The following AAK1 variants were observed in gnomAD, a reference collection of about 807,000 sequenced individuals.
AAK1 encodes AP2 associated kinase 1.
In AAK1, 37 loss-of-function variants were observed where a neutral mutation model predicts 116.0. The ratio of observed to expected loss-of-function variants is 0.32; its 90% CI spans 0.25 to 0.42. AAK1 has a LOEUF of 0.42. AAK1 is among the 10% of genes least tolerant of loss of function. AAK1 has a pLI of 1.00. For missense variants in AAK1, 919 were observed against 1,170.6 expected, an observed-to-expected ratio of 0.79 and a Z score of 3.14; for synonymous variants, 458 against 439.9, an observed-to-expected ratio of 1.04 and a Z score of -0.51.
chr2:69,633,613 A>C (rs1261170224), intron 2 of AAK1, among the ~76,000 whole-genome samples: 1 of 151,956 alleles, frequency 6.6e-6, no homozygotes, highest in African/African-American at 2.4e-5. Context: ...AAAAAAAAAA[A>C]AAAACTCAGT....
At chr2:69,551,242 G>A (rs528777127) in intron 3 of AAK1, among the ~76,000 whole-genome samples, 5 of 152,222 alleles carry the variant, frequency 3.3e-5, no homozygotes, top group East Asian at 1.9e-4. Flanking sequence ...GGGCCGGTGG[G>A]GGTGGTGGAG....
chr2:69,612,287 T>C (rs956699737), intron 2 of AAK1, among the ~76,000 whole-genome samples: 3 of 152,234 alleles, frequency 2.0e-5, no homozygotes, highest in African/African-American at 4.8e-5. Flanking sequence ...TGTTATATTA[T>C]GTATGTAACC....
chr2:69,571,581 A>G (rs1672096920), intron 2 of AAK1, among the ~76,000 whole-genome samples: 1 of 152,234 alleles, frequency 6.6e-6, no homozygotes, highest in Admixed American at 6.5e-5. Context: ...TGAGCTCAAT[A>G]ATATGAGTTT....
At chr2:69,604,788 C>A (rs576567815) in intron 2 of AAK1, among the ~76,000 whole-genome samples, 1 of 152,278 alleles carries the variant, frequency 6.6e-6, no homozygotes, top group East Asian at 1.9e-4. Context: ...CACACCCCAA[C>A]TGCACCCCAG....
rs1674277388 is a variant in AAK1, at chr2:69,458,983, TG to T, written c.*16885del. 2 of 152,244 alleles carry T rather than the reference TG, an allele frequency of 1.3e-5. No homozygotes were observed. Among genetic ancestry groups the T allele is most frequent in the East Asian group, 3.8e-4 (2 of 5,202 alleles). The allele number at this position is 152,244 out of a possible 1,614,324, so 9.4% of individuals were successfully genotyped here. A position where few individuals can be genotyped will look rare whatever the true frequency, so the allele number is the denominator to read the frequency against. On this transcript the variant is annotated 3_prime_UTR_variant, in exon 22 of 22. Transcript: ENST00000409085. ...TTGATTTCAAGAACATTGTCAAAAC[TG>T]GGGTACACATCCTTCTATTAGAAAT...
At chr2:69,542,030 C>A (rs571224952) in intron 5 of AAK1, among the ~76,000 whole-genome samples, 1 of 152,282 alleles carries the variant, frequency 6.6e-6, no homozygotes, top group South Asian at 2.1e-4. Flanking sequence ...GTAATTGGTG[C>A]CCAATACATG....
chr2:69,627,798 AC>A (rs1173049873), intron 2 of AAK1, among the ~76,000 whole-genome samples: 1 of 152,164 alleles, frequency 6.6e-6, no homozygotes, highest in Non-Finnish European at 1.5e-5. Context: ...ACTTTTCTCT[AC>A]AATGCAGGCC....
At position 69,464,349 on chromosome 2, in the gene AAK1, G is replaced by A. The variant is rs139114377; in HGVS notation, c.*11520C>T. 2.6e-5 allele frequency: 4 copies of A among 152,246 alleles called. No individual in the cohort carries two copies. Among genetic ancestry groups the A allele is most frequent in the African/African-American group, 7.2e-5 (3 of 41,524 alleles). 9.4% of individuals were successfully genotyped at this position (152,246 alleles called of 1,614,324 possible). ...CTGTAACAAGGTGCTCTTTTCTAGT[G>A]TTGTAAGGGGAAAATGTATAAGGAA... On this transcript the variant is annotated 3_prime_UTR_variant, in exon 22 of 22. Transcript: ENST00000409085.
intron 2 of AAK1, among the ~76,000 whole-genome samples, chr2:69,617,301 C>T (rs866650199): frequency 1.3e-5 from 2 of 152,192 alleles, no homozygotes; most frequent in Non-Finnish European, 2.9e-5. Flanking sequence ...CAATTCACAT[C>T]GAGTTGCTTT....
rs1442562113 is a variant in AAK1 at position 69,509,371 on chromosome 2, G to T, written c.1866C>A (p.Pro622=). ...QGQKVGSLTP[P]SSPKTQRAGH... ...CAGCACGTTGGGTTTTGGGGGATGA[G>T]GGTGGAGTGAGAGATCCAACTTTCT... The change falls in exon 14 of 22, where the codon CCC becomes CCA. Residue 622 remains proline, a synonymous_variant. Transcript: ENST00000409085. The T allele has an allele frequency of 6.2e-6, 10 of 1,613,904 alleles. 1 individual carries two copies. Among genetic ancestry groups the T allele is most frequent in the Middle Eastern group, 3.3e-4 (2 of 6,084 alleles).
chr2:69,622,391 G>A (rs553987546), intron 2 of AAK1, among the ~76,000 whole-genome samples: 21 of 144,338 alleles, frequency 1.5e-4, no homozygotes, highest in Middle Eastern at 6.9e-3. Context: ...CACAGCGCCC[G>A]GTCCCATCAA....
In AAK1 at chr2:69,583,898, G is replaced by C. The variant is rs911548722; in HGVS notation, c.164-26920C>G. ...AATGTCCACTTAAAAAAATAAAGTG[G>C]ATTTCTCACTCTTTCCCCTGAATGG... On this transcript the variant is annotated intron_variant, in intron 2 of 21. Coordinates refer to ENST00000409085, the MANE Select transcript of AAK1 (RefSeq NM_014911.5). Among the ~76,000 whole-genome samples, 4 of 152,178 alleles carry C rather than the reference G, an allele frequency of 2.6e-5. No homozygotes were observed. In the South Asian group the frequency reaches 6.2e-4, roughly 24 times the overall value.
intron 12 of AAK1, among the ~76,000 whole-genome samples, chr2:69,515,857 C>A (rs72837952): frequency 0.15 from 22,180 of 151,930 alleles, 1,771 homozygotes; most frequent in South Asian, 0.16. Flanking sequence ...AAAATAGCTG[C>A]CTACTTATAA....
intron 17 of AAK1, among the ~76,000 whole-genome samples, chr2:69,486,349 A>G (rs1369216601): frequency 6.6e-6 from 1 of 152,168 alleles, no homozygotes; most frequent in Non-Finnish European, 1.5e-5. Context: ...GTGTGGTGAG[A>G]CAGAATGGTG....
At chr2:69,548,612 CCTT>C (rs1421500872) in intron 3 of AAK1, among the ~76,000 whole-genome samples, 2 of 148,548 alleles carry the variant, frequency 1.3e-5, no homozygotes. Context: ...TTCCTTCCTT[CCTT>C]CTTTTCTTTT....
Position 69,472,660 on chromosome 2 carries a change from GA to G in AAK1, c.*3208del, listed in dbSNP as rs1282315733. On this transcript the variant is annotated 3_prime_UTR_variant, in exon 22 of 22. Transcript: ENST00000409085. ...GGGACTCATTTGAATGTTGTAAAGG[GA>G]AAAATCAATTTGTCATGTTTTCTGC... 1 of 985,234 alleles carries G rather than the reference GA, an allele frequency of 1.0e-6. No individual in the cohort carries two copies. The highest frequency in any genetic ancestry group is 1.7e-5 in the African/African-American group (1 of 57,208). 61.0% of individuals were successfully genotyped at this position (985,234 alleles called of 1,614,324 possible).
intron 2 of AAK1, among the ~76,000 whole-genome samples, chr2:69,587,463 A>T (rs75474596): frequency 7.2e-6 from 1 of 138,328 alleles, no homozygotes; most frequent in Non-Finnish European, 1.5e-5. Context: ...ATGTGTGTGT[A>T]TATATATATA....
chr2:69,531,857 C>T (rs2276688), intron 6 of AAK1, 184 bp downstream of exon 6: 116,196 of 1,265,488 alleles, frequency 0.092, 6,898 homozygotes, highest in African/African-American at 0.28. Flanking sequence ...TGATGTATGC[C>T]TGTAAACCCC....
intron 2 of AAK1, among the ~76,000 whole-genome samples, chr2:69,630,045 T>C (rs1240406643): frequency 6.6e-6 from 1 of 151,968 alleles, no homozygotes; most frequent in Non-Finnish European, 1.5e-5. Flanking sequence ...TGGAAAGAAC[T>C]AAATCCACGG....
Sources: gnomAD v4.1 joint callset for allele counts (sites outside exome capture counted in the v4.1 genomes callset) on GRCh38, gnomAD v4.1.1 for gene constraint, MANE v1.5 for transcripts, NCBI Gene and HGNC (gene_info 2026-07-23, HGNC 2026-07-21) for gene names.